The following GOLGB1 variants were observed in gnomAD, a reference collection of about 807,000 sequenced individuals.
GOLGB1 encodes the protein golgin subfamily B member 1.
Under a neutral mutation model 336.9 loss-of-function variants are expected in GOLGB1, and 174 were observed. The observed-to-expected ratio is 0.52, with a 90% CI of 0.46 to 0.59. GOLGB1 has a LOEUF of 0.59. GOLGB1 is among the 20% of genes least tolerant of loss of function. GOLGB1 has a pLI of 0.00. For missense variants in GOLGB1, 3,331 were observed against 3,645.3 expected, an observed-to-expected ratio of 0.91 and a Z score of 2.22; for synonymous variants, 1,208 against 1,289.2, an observed-to-expected ratio of 0.94 and a Z score of 1.35.
At chr3:121,675,513 A>G (rs1940251152) in intron 17 of GOLGB1, among the ~76,000 whole-genome samples, 2 of 152,224 alleles carry the variant, frequency 1.3e-5, no homozygotes, top group African/African-American at 4.8e-5. Context: ...AAATGACACT[A>G]TATGCAACGA....
At chr3:121,719,572 G>A (rs1307712795) in intron 7 of GOLGB1, 74 bp downstream of exon 7, 1 of 1,241,236 alleles carries the variant, frequency 8.1e-7, no homozygotes, top group Non-Finnish European at 1.1e-6. Flanking sequence ...CAGTGGGTAA[G>A]GGTAGGAAAT....
In GOLGB1 at chr3:121,667,455, G is replaced by A. The variant is rs1185863026; in HGVS notation, c.9554+21C>T. ...CAGAAAGGATCGGAAGGGAACAGAG[G>A]CTATCTCCTTCAGCCTTTACCGTCT... On this transcript the variant is annotated intron_variant, in intron 20 of 21. Coordinates refer to ENST00000614479, the MANE Select transcript of GOLGB1 (RefSeq NM_001366282.2). The A allele has an allele frequency of 6.8e-6, 11 of 1,610,498 alleles. No individual in the cohort carries two copies. The Admixed American group carries it at 1.7e-4, about 24-fold the overall frequency.
Position 121,689,102 on chromosome 3 carries a change from G to A in GOLGB1, c.8694+1568C>T, listed in dbSNP as rs575803519. ...CCCCGCCCGGCCAGCCGCCCCGTCCGGGAGGTGAGGGGCACCTCTGCCCGG... is the reference window on the plus strand; with the variant it reads ...CCCCGCCCGGCCAGCCGCCCCGTCCAGGAGGTGAGGGGCACCTCTGCCCGG... On this transcript the variant is annotated intron_variant, in intron 14 of 21. Coordinates refer to ENST00000614479, the MANE Select transcript of GOLGB1 (RefSeq NM_001366282.2). 5.0e-3 allele frequency among the ~76,000 whole-genome samples: 753 copies of A among 151,928 alleles called. 8 individuals carry two copies. Among genetic ancestry groups the A allele is most frequent in the African/African-American group, 0.017 (700 of 41,422 alleles).
chr3:121,719,016 T>A (rs897548579), intron 7 of GOLGB1, among the ~76,000 whole-genome samples: 98 of 152,242 alleles, frequency 6.4e-4, no homozygotes, highest in African/African-American at 2.2e-3. Flanking sequence ...TAGTGGTGCA[T>A]TCTGAAAGAT....
chr3:121,671,455 C>T (rs1378513515), intron 17 of GOLGB1, among the ~76,000 whole-genome samples: 2 of 152,168 alleles, frequency 1.3e-5, no homozygotes, highest in South Asian at 2.1e-4. Context: ...TATATAATGG[C>T]AGGGTATTTG....
At chr3:121,735,159 ACACAAGGG>A (rs1213095298) in intron 1 of GOLGB1, among the ~76,000 whole-genome samples, 1 of 152,338 alleles carries the variant, frequency 6.6e-6, no homozygotes, top group Non-Finnish European at 1.5e-5. Flanking sequence ...TAAAAGAGCA[ACACAAGGG>A]AATTTTTAAG....
chr3:121,722,426 G>T (rs759674722), intron 5 of GOLGB1, 48 bp from the exon 6 acceptor site: 1 of 979,802 alleles, frequency 1.0e-6, no homozygotes, highest in East Asian at 2.4e-5. Flanking sequence ...TTAAGCAAAA[G>T]AATGAGCATT....
rs1460897168 is a variant in GOLGB1, at chr3:121,694,302, T to G, written c.6221A>C (p.His2074Pro). 6 of 1,610,522 alleles carry G rather than the reference T, an allele frequency of 3.7e-6. No homozygotes were observed. Residue 2074 changes from histidine (H) to proline (P), a missense_variant, in exon 13 of 22, where the codon CAC becomes CCC. His to Pro is a moderately conservative substitution (Grantham distance 77). Transcript: ENST00000614479. ...TKENLAQAVE[H>P]RKKAQAELAS... ...TAATTCTGCTTGTGCCTTTTTGCGG[T>G]GTTCAACTGCTTGAGCCAGATTTTC...
In GOLGB1 at chr3:121,677,271, T is replaced by C; in HGVS notation, c.9039+14A>G. Reference sequence around the variant, plus strand: ...ATTTATCTCTGAGTAACAATCAGCATTGAAATTACTCACCTGTCTTTGGTA... The same window carrying C: ...ATTTATCTCTGAGTAACAATCAGCACTGAAATTACTCACCTGTCTTTGGTA... On this transcript the variant is annotated intron_variant, in intron 16 of 21. Coordinates refer to ENST00000614479, the MANE Select transcript of GOLGB1 (RefSeq NM_001366282.2). 1.3e-6 allele frequency: 2 copies of C among 1,578,506 alleles called. No individual in the cohort carries two copies. The highest frequency in any genetic ancestry group is 1.4e-5 in the African/African-American group (1 of 73,702).
chr3:121,681,625 A>G, intron 15 of GOLGB1, 62 bp downstream of exon 15: 2 of 1,196,286 alleles, frequency 1.7e-6, no homozygotes, highest in South Asian at 2.9e-5. Flanking sequence ...CCAAATCTAC[A>G]ATTATTTCAA....
chr3:121,677,429 T>C lies in GOLGB1; in HGVS notation c.8895A>G (p.Glu2965=). The change falls in exon 16 of 22, where the codon GAA becomes GAG. Residue 2965 remains glutamate (E), a synonymous_variant. Coordinates refer to ENST00000614479, the MANE Select transcript of GOLGB1 (RefSeq NM_001366282.2). ...HQLRMEKSSW[E]IHERRMKEQY... ...GTTCCTTCATTCTCCTCTCATGTAT[T>C]TCCCAGGAACTCTTCTCCATCCTAG... 1 of 1,609,502 alleles carries C rather than the reference T, an allele frequency of 6.2e-7. No homozygotes were observed. The highest frequency in any genetic ancestry group is 8.5e-7 in the Non-Finnish European group (1 of 1,176,002).
rs1420065928 is a variant in GOLGB1 at position 121,667,458 on chromosome 3, A to G, written c.9554+18T>C. ...AAAGGATCGGAAGGGAACAGAGGCT[A>G]TCTCCTTCAGCCTTTACCGTCTGAT... is the stretch of plus-strand genomic sequence containing the variant. On this transcript the variant is annotated intron_variant, in intron 20 of 21. Coordinates refer to ENST00000614479, the MANE Select transcript of GOLGB1 (RefSeq NM_001366282.2). 2 of 1,610,656 alleles carry G rather than the reference A, an allele frequency of 1.2e-6. No homozygotes were observed. Among genetic ancestry groups the G allele is most frequent in the Non-Finnish European group, 1.7e-6 (2 of 1,177,476 alleles).
Position 121,681,902 on chromosome 3 carries a change from C to A in GOLGB1, c.8695-37G>T, listed in dbSNP as rs1405978802. On this transcript the variant is annotated intron_variant, in intron 14 of 21. Transcript: ENST00000614479. ...GGGAAAGTAAAATGATTATTTGTCA[C>A]ATCTCATTCATCTAACTGTAAGTCA... 2.2e-6 allele frequency: 3 copies of A among 1,366,416 alleles called. No individual in the cohort carries two copies. In the African/African-American group the frequency reaches 4.3e-5, roughly 20 times the overall value. 84.6% of individuals were successfully genotyped at this position (1,366,416 alleles called of 1,614,324 possible). A position where few individuals can be genotyped will look rare whatever the true frequency, so the allele number is the denominator to read the frequency against.
chr3:121,744,651 T>C (rs766650930), intron 1 of GOLGB1, among the ~76,000 whole-genome samples: 49 of 148,782 alleles, frequency 3.3e-4, no homozygotes, highest in Non-Finnish European at 6.8e-4. Context: ...AAAAGATTGA[T>C]AGAATAAAAC....
Position 121,747,308 on chromosome 3 carries a change from T to C in GOLGB1, c.-3+2324A>G, listed in dbSNP as rs373998819. ...ATGTATATATATGTGTATATATGTA[T>C]ATATGTATATATGTGTATATACGTA... On this transcript the variant is annotated intron_variant, in intron 1 of 21. Coordinates refer to ENST00000614479, the MANE Select transcript of GOLGB1 (RefSeq NM_001366282.2). 4.2e-5 allele frequency among the ~76,000 whole-genome samples: 6 copies of C among 144,066 alleles called. 1 individual carries two copies. The East Asian group carries it at 6.0e-4, about 14-fold the overall frequency. The allele number at this position is 144,066 out of a possible 152,430, so 94.5% of individuals were successfully genotyped here. A position where few individuals can be genotyped will look rare whatever the true frequency, so the allele number is the denominator to read the frequency against.
chr3:121,717,057 T>C lies in GOLGB1; in HGVS notation c.968A>G (p.Lys323Arg). Residue 323 changes from lysine (K) to arginine (R), a missense_variant, in exon 9 of 22, where the codon AAG becomes AGG. Physicochemically the swap from Lys to Arg is conservative, Grantham distance 26 (BLOSUM62 2). Coordinates refer to ENST00000614479, the MANE Select transcript of GOLGB1 (RefSeq NM_001366282.2). ...NTVETEREES[K>R]ILLEKMELEV... ...AAGTTCCATCTTTTCCAGTAGAATC[T>C]TGGACTCCTCTCTTTCTGTTTCCAC... The C allele has an allele frequency of 3.1e-6, 5 of 1,613,158 alleles. No individual in the cohort carries two copies. The highest frequency in any genetic ancestry group is 4.2e-6 in the Non-Finnish European group (5 of 1,179,056).
chr3:121,713,838 C>T (rs999203818), intron 10 of GOLGB1, among the ~76,000 whole-genome samples: 1 of 152,044 alleles, frequency 6.6e-6, no homozygotes, highest in Non-Finnish European at 1.5e-5. Flanking sequence ...TGAATGCTGA[C>T]AAATTTAGAG....
Position 121,698,447 on chromosome 3 carries a change from T to C in GOLGB1, c.2076A>G (p.Glu692=), listed in dbSNP as rs770398712. ...DIGQCHQDEL[E]RLKSQILELE... ...GCTCCAAAATTTGACTTTTTAACCTTTCCAACTCATCCTGATGACACTGAC... is the reference window on the plus strand; with the variant it reads ...GCTCCAAAATTTGACTTTTTAACCTCTCCAACTCATCCTGATGACACTGAC... Residue 692 remains glutamate (E), a synonymous_variant, in exon 13 of 22, where the codon GAA becomes GAG. Transcript: ENST00000614479. The C allele has an allele frequency of 5.1e-5, 82 of 1,613,810 alleles. No homozygotes were observed. Among genetic ancestry groups the C allele is most frequent in the Non-Finnish European group, 3.6e-5 (42 of 1,179,898 alleles).
rs1451023429 is a variant in GOLGB1 at position 121,697,941 on chromosome 3, T to C, written c.2582A>G (p.His861Arg). ...CAGTTCTTCCACTTTACTTGAGATA[T>C]GCCTTACACGTTCTGCCCCCTCAAG... The part of the protein sequence containing the change: ...EVLEGAERVR[H>R]ISSKVEELSQ... The change falls in exon 13 of 22, where the codon CAT becomes CGT. Residue 861 changes from histidine (H) to arginine (R), a missense_variant. Transcript: ENST00000614479. The C allele has an allele frequency of 1.2e-6, 2 of 1,614,156 alleles. No homozygotes were observed. The highest frequency in any genetic ancestry group is 1.7e-6 in the Non-Finnish European group (2 of 1,179,988).
Sources: allele counts gnomAD v4.1 joint callset (sites outside exome capture counted in the v4.1 genomes callset), GRCh38; gene constraint gnomAD v4.1.1; transcripts MANE v1.5; gene names NCBI Gene and HGNC (gene_info 2026-07-23, HGNC 2026-07-21).